Variants in WDR91 observed in about 807,000 individuals in gnomAD.
WDR91 encodes WD repeat domain 91.
WDR91 carries 52 observed loss-of-function variants against 88.4 expected under a neutral mutation model. The ratio of observed to expected loss-of-function variants is 0.59; its 90% CI spans 0.47 to 0.74. The LOEUF (loss-of-function observed/expected upper bound fraction) is 0.74, where lower values mean the gene tolerates loss of function less well. WDR91 is among the 30% of genes least tolerant of loss of function. The probability of loss-of-function intolerance (pLI) is 0.00; values close to 1 mark genes in which losing one functional copy is unlikely to be tolerated. For synonymous variants in WDR91, 362 were observed against 389.5 expected (o/e 0.93, Z 0.83); for missense variants, 824 against 954.5 (o/e 0.86, Z 1.80).
chr7:135,186,070 A>T lies in WDR91; in HGVS notation c.*81T>A. On this transcript the variant is annotated 3_prime_UTR_variant, in exon 15 of 15. Coordinates refer to ENST00000354475, the MANE Select transcript of WDR91 (RefSeq NM_014149.4). ...CTGCACTGGCAGGGAGCTGGAGTGG[A>T]GCACGTGGTTTTCCTGTCCTATATC... The T allele has an allele frequency of 2.8e-6, 4 of 1,443,028 alleles. No individual in the cohort carries two copies. The highest frequency in any genetic ancestry group is 3.7e-6 in the Non-Finnish European group (4 of 1,086,138). 89.4% of individuals were successfully genotyped at this position (1,443,028 alleles called of 1,614,324 possible). A position where few individuals can be genotyped will look rare whatever the true frequency, so the allele number is the denominator to read the frequency against.
intron 11 of WDR91, among the ~76,000 whole-genome samples, chr7:135,190,374 G>A (rs1029932665): frequency 6.6e-6 from 1 of 152,060 alleles, no homozygotes; most frequent in African/African-American, 2.4e-5. Context: ...TAGCCCTGAC[G>A]TGGGAGGAAC....
rs756229022 is a variant in WDR91, at chr7:135,193,341, G to T, written c.1549C>A (p.Pro517Thr). The T allele has an allele frequency of 6.2e-7, 1 of 1,614,234 alleles. No individual in the cohort carries two copies. Among genetic ancestry groups the T allele is most frequent in the South Asian group, 1.1e-5 (1 of 91,086 alleles). ...GASFVCSAAA[P>T]SLTSQVDFSA... ...AAGTCCACCTGGGAAGTGAGGCTCG[G>T]AGCTGCTGCCGAACAGACGAAAGAG... The change falls in exon 11 of 15, where the codon CCG becomes ACG. Residue 517 changes from proline (P) to threonine (T), a missense_variant. Physicochemically the swap from Pro to Thr is conservative, Grantham distance 38 (BLOSUM62 -1). Coordinates refer to ENST00000354475, the MANE Select transcript of WDR91 (RefSeq NM_014149.4).
chr7:135,210,181 C>G (rs1472922678), intron 1 of WDR91, among the ~76,000 whole-genome samples: 2 of 152,158 alleles, frequency 1.3e-5, no homozygotes, highest in Non-Finnish European at 2.9e-5. Flanking sequence ...GAAACCCCGA[C>G]TCTACTAAAA....
At chr7:135,192,291 A>AT (rs1427313294) in intron 11 of WDR91, among the ~76,000 whole-genome samples, 15 of 151,886 alleles carry the variant, frequency 9.9e-5, no homozygotes, top group African/African-American at 3.4e-4. Flanking sequence ...CTAATTTTTA[A>AT]GTTTTTTGTA....
chr7:135,204,298 G>A lies in WDR91; in HGVS notation c.861C>T (p.Ser287=), dbSNP rs771124059. 6.2e-7 allele frequency: 1 copy of A among 1,614,144 alleles called. No individual in the cohort carries two copies. Among genetic ancestry groups the A allele is most frequent in the Admixed American group, 1.7e-5 (1 of 60,030 alleles). Residue 287 remains serine, a synonymous_variant, in exon 6 of 15, where the codon AGC becomes AGT. Coordinates refer to ENST00000354475, the MANE Select transcript of WDR91 (RefSeq NM_014149.4). Reference sequence around the variant, plus strand: ...CACCGAAGGACTCTTTCTTGGCCGAGCTCTGAGGTTGAGGAGGGCCCTGAG... The same window carrying A: ...CACCGAAGGACTCTTTCTTGGCCGAACTCTGAGGTTGAGGAGGGCCCTGAG... ...SPAQGPPQPQ[S]SAKKESFGGQ... is the part of the protein sequence containing the mutation.
rs539457117 is a variant in WDR91 at position 135,186,920 on chromosome 7, G to A, written c.2079+52C>T. On this transcript the variant is annotated intron_variant, in intron 14 of 14. Coordinates refer to ENST00000354475, the MANE Select transcript of WDR91 (RefSeq NM_014149.4). ...AGCCATGGCCCAGACCTCCAGGGAG[G>A]AACCCCTGCCCACCACAATACCACT... 1.6e-5 allele frequency: 25 copies of A among 1,606,608 alleles called. 1 individual carries two copies. The South Asian group carries it at 2.7e-4, about 17-fold the overall frequency.
intron 8 of WDR91, among the ~76,000 whole-genome samples, chr7:135,195,719 G>A (rs534295447): frequency 2.3e-4 from 35 of 152,298 alleles, no homozygotes; most frequent in South Asian, 8.3e-4. Flanking sequence ...GGCTGAGATG[G>A]GCAGATCACT....
Position 135,209,396 on chromosome 7 carries a change from T to C in WDR91, c.303+180A>G. 9.2e-6 allele frequency: 5 copies of C among 545,264 alleles called. No homozygotes were observed. The South Asian group carries it at 1.7e-4, about 18-fold the overall frequency. 33.8% of individuals were successfully genotyped at this position (545,264 alleles called of 1,614,324 possible). On this transcript the variant is annotated intron_variant, in intron 2 of 14. Coordinates refer to ENST00000354475, the MANE Select transcript of WDR91 (RefSeq NM_014149.4). Reference sequence around the variant, plus strand: ...GGAATGGGGAAGACAAGTCAGATGATCTACAGATGACGACAAGGAAAAAAA... The same window carrying C: ...GGAATGGGGAAGACAAGTCAGATGACCTACAGATGACGACAAGGAAAAAAA...
Position 135,193,303 on chromosome 7 carries a change from G to A in WDR91, c.1587C>T (p.Asp529=), listed in dbSNP as rs2117651046. The A allele has an allele frequency of 6.2e-7, 1 of 1,614,228 alleles. No individual in the cohort carries two copies. The highest frequency in any genetic ancestry group is 1.1e-5 in the South Asian group (1 of 91,082). The change falls in exon 11 of 15, where the codon GAC becomes GAT. Residue 529 remains aspartate (D), a synonymous_variant. Transcript: ENST00000354475. ...LTSQVDFSAP[D]IGSKGMNQVP... ...CCTGGTTCATGCCCTTGCTGCCGAT[G>A]TCTGGTGCTGAGAAGTCCACCTGGG...
chr7:135,191,702 C>T (rs539196456), intron 11 of WDR91, among the ~76,000 whole-genome samples: 27 of 151,414 alleles, frequency 1.8e-4, no homozygotes, highest in Non-Finnish European at 3.1e-4. Flanking sequence ...AAGGGCTACA[C>T]AAGAGCTAAA....
chr7:135,205,913 G>A lies in WDR91; in HGVS notation c.725+15C>T, dbSNP rs540893427. ...AGAGGGCAAAGAAAAGGAAAGGGCC[G>A]TCACACACACTCACAGTTCCGAGTC... On this transcript the variant is annotated intron_variant, in intron 5 of 14. Transcript: ENST00000354475. 2.8e-5 allele frequency: 45 copies of A among 1,612,740 alleles called. No homozygotes were observed. Among genetic ancestry groups the A allele is most frequent in the East Asian group, 6.7e-5 (3 of 44,878 alleles).
At chr7:135,209,496 T>C (rs997508943) in intron 2 of WDR91, 80 bp downstream of exon 2, 4 of 1,377,698 alleles carry the variant, frequency 2.9e-6, no homozygotes, top group Admixed American at 5.2e-5. Flanking sequence ...GATTCCTCCC[T>C]AGGAACTGGA....
chr7:135,188,626 C>T, intron 12 of WDR91, 81 bp from the exon 13 acceptor site: 1 of 1,239,314 alleles, frequency 8.1e-7, no homozygotes, highest in East Asian at 2.3e-5. Context: ...GGCCCCCTCA[C>T]CCTCTACTCA....
chr7:135,196,800 A>C lies in WDR91; in HGVS notation c.1051-463T>G, dbSNP rs902231056. On this transcript the variant is annotated intron_variant, in intron 7 of 14. Transcript: ENST00000354475. This position sits in a 1 kb window ranked among gnomAD's most constrained non-coding sequence, Gnocchi z 4.2. ...AAAGAGAAGCCAAATCCCTTGCCCAAAGTCATATGGCTGGCAAGGGGGAGA... is the reference window on the plus strand; with the variant it reads ...AAAGAGAAGCCAAATCCCTTGCCCACAGTCATATGGCTGGCAAGGGGGAGA... Among the ~76,000 whole-genome samples, 1 of 152,190 alleles carries C rather than the reference A, an allele frequency of 6.6e-6. No homozygotes were observed.
chr7:135,203,595 T>A (rs1012375924), intron 6 of WDR91, among the ~76,000 whole-genome samples: 2 of 152,230 alleles, frequency 1.3e-5, no homozygotes, highest in African/African-American at 4.8e-5. Context: ...TACCAACTTG[T>A]AGGCAAAATG....
rs771222961 is a variant in WDR91 at position 135,207,107 on chromosome 7, G to A, written c.594+13C>T. ...GAAGTACTTCCTCAGGAGCAAGCCT[G>A]TTCAGAACAAACCTTCTGACGCAGA... On this transcript the variant is annotated intron_variant, in intron 4 of 14. Transcript: ENST00000354475. The A allele has an allele frequency of 1.3e-6, 2 of 1,597,856 alleles. No homozygotes were observed. Among genetic ancestry groups the A allele is most frequent in the South Asian group, 2.2e-5 (2 of 90,766 alleles).
Position 135,186,865 on chromosome 7 carries a change from T to C in WDR91, c.2079+107A>G, listed in dbSNP as rs1461250967. 1.5e-5 allele frequency: 20 copies of C among 1,332,172 alleles called. No individual in the cohort carries two copies. The South Asian group carries it at 1.5e-4, about 10-fold the overall frequency. 82.5% of individuals were successfully genotyped at this position (1,332,172 alleles called of 1,614,324 possible). A position where few individuals can be genotyped will look rare whatever the true frequency, so the allele number is the denominator to read the frequency against. ...TTTGTCAAAGGCATCTCCACAGCCATGCAGCTCGGGGTAGAGGGCCTCGCT... is the reference window on the plus strand; with the variant it reads ...TTTGTCAAAGGCATCTCCACAGCCACGCAGCTCGGGGTAGAGGGCCTCGCT... On this transcript the variant is annotated intron_variant, in intron 14 of 14. Transcript: ENST00000354475.
chr7:135,187,263 G>A, intron 13 of WDR91, 94 bp from the exon 14 acceptor site: 1 of 1,332,050 alleles, frequency 7.5e-7, no homozygotes, highest in Non-Finnish European at 1.0e-6. Context: ...GCAGAGGCTG[G>A]CGAGGGCGAC....
rs767662524 is a variant in WDR91 at position 135,193,339 on chromosome 7, C to T, written c.1551G>A (p.Pro517=). 6.2e-6 allele frequency: 10 copies of T among 1,614,050 alleles called. No homozygotes were observed. In the African/African-American group the frequency reaches 1.1e-4, roughly 17 times the overall value. The change falls in exon 11 of 15, where the codon CCG becomes CCA. Residue 517 remains proline, a synonymous_variant. Transcript: ENST00000354475. ...GASFVCSAAA[P]SLTSQVDFSA... ...AGAAGTCCACCTGGGAAGTGAGGCT[C>T]GGAGCTGCTGCCGAACAGACGAAAG...
Sources: gnomAD v4.1 joint callset for allele counts (sites outside exome capture counted in the v4.1 genomes callset) on GRCh38, gnomAD v4.1.1 for gene constraint, Gnocchi (gnomAD v3.1) non-coding constraint, MANE v1.5 for transcripts, NCBI Gene and HGNC (gene_info 2026-07-23, HGNC 2026-07-21) for gene names.